PRKCE: variants seen among roughly 807,000 people sequenced by gnomAD.
PRKCE encodes the protein protein kinase C epsilon type.
PRKCE carries 16 observed loss-of-function variants against 85.4 expected under a neutral mutation model. The ratio of observed to expected loss-of-function variants is 0.19; its 90% CI spans 0.13 to 0.28. PRKCE has a LOEUF of 0.28. PRKCE is among the 10% of genes least tolerant of loss of function. PRKCE has a pLI of 1.00. For missense variants in PRKCE, 573 were observed against 975.2 expected (o/e 0.59, Z 5.49); for synonymous variants, 388 against 371.5 (o/e 1.04, Z -0.51).
At chr2:46,076,167 A>C (rs1668543861) in intron 10 of PRKCE, among the ~76,000 whole-genome samples, 1 of 152,190 alleles carries the variant, frequency 6.6e-6, no homozygotes, top group African/African-American at 2.4e-5. Context: ...ATTTTCAAAG[A>C]GGAAACTAAC....
chr2:45,794,854 C>A (rs571619881), intron 1 of PRKCE, among the ~76,000 whole-genome samples: 1 of 151,308 alleles, frequency 6.6e-6, no homozygotes, highest in Non-Finnish European at 1.5e-5. Flanking sequence ...TACCCCCCCC[C>A]CCATCCACCA....
intron 2 of PRKCE, among the ~76,000 whole-genome samples, chr2:45,906,206 G>T (rs1696962861): frequency 6.6e-6 from 1 of 152,240 alleles, no homozygotes. Flanking sequence ...GGCCTACTGG[G>T]CATCTTCTGG....
chr2:45,880,436 G>T (rs1694795958), intron 2 of PRKCE, among the ~76,000 whole-genome samples: 1 of 152,168 alleles, frequency 6.6e-6, no homozygotes, highest in Admixed American at 6.5e-5. Context: ...GTAGTGTGAG[G>T]AATGGAGGAC....
chr2:45,966,133 C>T (rs888299628), intron 2 of PRKCE, among the ~76,000 whole-genome samples: 6 of 152,134 alleles, frequency 3.9e-5, no homozygotes, highest in Non-Finnish European at 8.8e-5. Context: ...TTACTGTTGG[C>T]TGCATGGCCT....
intron 2 of PRKCE, among the ~76,000 whole-genome samples, chr2:45,873,120 G>A (rs1390112599): frequency 1.3e-5 from 2 of 152,186 alleles, no homozygotes; most frequent in African/African-American, 4.8e-5. Context: ...CTGGAGCGAT[G>A]GCTCTCACAT....
rs191754825 is a variant in PRKCE, at chr2:46,084,384, A to G, written c.1438-1824A>G. Among the ~76,000 whole-genome samples, 11 of 152,302 alleles carry G rather than the reference A, an allele frequency of 7.2e-5. No homozygotes were observed. In the East Asian group the frequency reaches 2.1e-3, roughly 29 times the overall value. ...TGTTACTGAGACCTAATGGAAAATA[A>G]TATGCTAACATCCTCCTGGAAGCTT... On this transcript the variant is annotated intron_variant, in intron 10 of 14. Transcript: ENST00000306156.
chr2:45,979,214 G>A lies in PRKCE; in HGVS notation c.607+204G>A, dbSNP rs563827354. Among the ~76,000 whole-genome samples, 85 of 152,292 alleles carry A rather than the reference G, an allele frequency of 5.6e-4. 2 individuals carry two copies. In the South Asian group the frequency reaches 0.014, roughly 26 times the overall value. ...TTGCAGGTGCCACCTGTCTCCAGGC[G>A]TCCTTGTGATCTCAGCAGGTCCCCA... On this transcript the variant is annotated intron_variant, in intron 4 of 14. Coordinates refer to ENST00000306156, the MANE Select transcript of PRKCE (RefSeq NM_005400.3).
chr2:45,942,940 T>C (rs745659590), intron 2 of PRKCE, among the ~76,000 whole-genome samples: 2 of 152,216 alleles, frequency 1.3e-5, no homozygotes, highest in African/African-American at 4.8e-5. Context: ...CCCCCCAACC[T>C]CTTATTCTCC....
chr2:46,152,994 C>A (rs868534794), intron 13 of PRKCE, among the ~76,000 whole-genome samples: 3 of 151,994 alleles, frequency 2.0e-5, no homozygotes, highest in African/African-American at 7.2e-5. Context: ...TTTCCTCTTT[C>A]CCTCACCTCA....
chr2:46,144,933 G>A (rs1483792421), intron 11 of PRKCE, among the ~76,000 whole-genome samples, 160 bp from the exon 12 acceptor site: 1 of 152,194 alleles, frequency 6.6e-6, no homozygotes, highest in Non-Finnish European at 1.5e-5. Flanking sequence ...TGACTAACAT[G>A]AGAGAGAGCC....
At chr2:45,912,305 T>C (rs1447257431) in intron 2 of PRKCE, among the ~76,000 whole-genome samples, 2 of 152,100 alleles carry the variant, frequency 1.3e-5, no homozygotes, top group African/African-American at 2.4e-5. Flanking sequence ...CAGTAATAGA[T>C]AGAGGGCCCC....
intron 10 of PRKCE, among the ~76,000 whole-genome samples, chr2:46,085,131 A>G (rs1669468382): frequency 6.6e-6 from 1 of 152,162 alleles, no homozygotes; most frequent in Admixed American, 6.5e-5. Context: ...AGAATATAAT[A>G]GTCAAGAAAC....
intron 1 of PRKCE, among the ~76,000 whole-genome samples, chr2:45,710,830 G>T (rs1679562002): frequency 6.6e-6 from 1 of 152,238 alleles, no homozygotes; most frequent in Admixed American, 6.5e-5. Context: ...CACCCCTAAA[G>T]GATCGGGGTG....
intron 1 of PRKCE, among the ~76,000 whole-genome samples, chr2:45,832,324 T>C (rs1690495624): frequency 6.6e-6 from 1 of 151,478 alleles, no homozygotes. Flanking sequence ...TTTTTTTTTT[T>C]TTTTTTGAGA....
chr2:45,800,724 C>T (rs73926102), intron 1 of PRKCE, among the ~76,000 whole-genome samples: 7,449 of 152,230 alleles, frequency 0.049, 621 homozygotes, highest in African/African-American at 0.17. Flanking sequence ...ATAAAACTTC[C>T]GCCATTAAAA....
chr2:45,926,964 A>G (rs1558843756), intron 2 of PRKCE, among the ~76,000 whole-genome samples: 1 of 152,134 alleles, frequency 6.6e-6, no homozygotes, highest in Non-Finnish European at 1.5e-5. Context: ...GTATATGTGC[A>G]TGTGTGAGCG....
intron 2 of PRKCE, chr2:45,852,145 T>G (rs1692317884): frequency 6.6e-6 from 1 of 152,280 alleles, no homozygotes; most frequent in Admixed American, 6.5e-5. Context: ...TCATTAGCTC[T>G]GCCCTTCTAC....
chr2:45,713,276 T>C (rs2104388612), intron 1 of PRKCE, among the ~76,000 whole-genome samples: 1 of 152,324 alleles, frequency 6.6e-6, no homozygotes, highest in East Asian at 1.9e-4. Flanking sequence ...GCTGATCACC[T>C]TGCCAGATGG....
At chr2:46,142,932 A>G (rs926686662) in intron 11 of PRKCE, among the ~76,000 whole-genome samples, 2 of 152,228 alleles carry the variant, frequency 1.3e-5, no homozygotes, top group Admixed American at 1.3e-4. Context: ...AAGAGTGCTT[A>G]GGAGGTGGCA....
Sources: allele counts gnomAD v4.1 joint callset (sites outside exome capture counted in the v4.1 genomes callset), GRCh38; gene constraint gnomAD v4.1.1; transcripts MANE v1.5; gene names NCBI Gene and HGNC (gene_info 2026-07-23, HGNC 2026-07-21).